Variants in EYS observed in about 807,000 individuals in gnomAD.
EYS encodes the protein protein eyes shut homolog.
EYS carries 250 observed loss-of-function variants against 282.1 expected under a neutral mutation model. That is an observed-to-expected ratio of 0.89 (90% confidence interval 0.80 to 0.98). The LOEUF is 0.98. EYS is among the 50% of genes least tolerant of loss of function. The pLI, the probability that EYS is intolerant of heterozygous loss-of-function variation, is 0.00. For missense variants in EYS, 4,016 were observed against 3,709.0 expected, an observed-to-expected ratio of 1.08 and a Z score of -2.15; for synonymous variants, 1,355 against 1,282.9, an observed-to-expected ratio of 1.06 and a Z score of -1.20.
chr6:65,579,154 G>A (rs1290916606), intron 2 of EYS, among the ~76,000 whole-genome samples: 1 of 152,012 alleles, frequency 6.6e-6, no homozygotes, highest in East Asian at 1.9e-4. Flanking sequence ...CTGTATACAT[G>A]TGTTTTTTTG....
intron 2 of EYS, among the ~76,000 whole-genome samples, chr6:65,575,889 G>T (rs573180678): frequency 1.3e-3 from 200 of 152,064 alleles, no homozygotes; most frequent in African/African-American, 4.6e-3. Context: ...ACACTATTTT[G>T]TGAGGAAAAA....
intron 12 of EYS, among the ~76,000 whole-genome samples, chr6:65,210,012 C>A (rs1022414878): frequency 6.6e-6 from 1 of 151,856 alleles, no homozygotes; most frequent in African/African-American, 2.4e-5. Flanking sequence ...ACATGTAGAG[C>A]ATTTTAACTT....
At chr6:64,054,874 TA>T (rs1770929939) in intron 33 of EYS, among the ~76,000 whole-genome samples, 2 of 152,302 alleles carry the variant, frequency 1.3e-5, no homozygotes, top group East Asian at 1.9e-4. Flanking sequence ...ATTACATAGC[TA>T]TTAATGGACA....
chr6:65,345,348 A>G (rs902911113), intron 9 of EYS, among the ~76,000 whole-genome samples: 3 of 151,828 alleles, frequency 2.0e-5, no homozygotes, highest in Non-Finnish European at 2.9e-5. Flanking sequence ...TACCTGTAAC[A>G]TTCTGAGAGT....
chr6:65,179,476 C>T (rs1202715890), intron 12 of EYS, among the ~76,000 whole-genome samples: 2 of 152,102 alleles, frequency 1.3e-5, no homozygotes, highest in South Asian at 2.1e-4. Context: ...TGGATAAATT[C>T]CTCGACACAT....
chr6:64,331,333 A>G (rs988154653), intron 29 of EYS, among the ~76,000 whole-genome samples: 3 of 152,222 alleles, frequency 2.0e-5, no homozygotes, highest in African/African-American at 7.2e-5. Context: ...AAGAAGTAGC[A>G]GTCATCTATT....
At chr6:64,476,241 A>C (rs1776263650) in intron 26 of EYS, among the ~76,000 whole-genome samples, 1 of 152,178 alleles carries the variant, frequency 6.6e-6, no homozygotes, top group Non-Finnish European at 1.5e-5. Context: ...CTTTACTTGT[A>C]GTTAACTATT....
intron 33 of EYS, among the ~76,000 whole-genome samples, chr6:64,015,665 G>C (rs1042634044): frequency 8.5e-5 from 13 of 152,182 alleles, no homozygotes; most frequent in African/African-American, 2.9e-4. Flanking sequence ...TGATGGTGAG[G>C]TGAAGGTGAA....
rs1562133742 is a variant in EYS, at chr6:64,686,779, A to ATGTGTG, written c.3444-60535_3444-60534insCACACA. On this transcript the variant is annotated intron_variant, in intron 22 of 42. Transcript: ENST00000503581. The stretch of plus-strand genomic sequence containing the variant: ...TATATATATGTGTGTATATATATAT[A>ATGTGTG]TATATATATGTGTGTATATATATAT... Among the ~76,000 whole-genome samples, 11 of 23,530 alleles carry ATGTGTG rather than the reference A, an allele frequency of 4.7e-4. 2 individuals are homozygous for ATGTGTG. The highest frequency in any genetic ancestry group is 7.1e-4 in the African/African-American group (7 of 9,914). 15.4% of individuals were successfully genotyped at this position (23,530 alleles called of 152,430 possible).
chr6:65,106,737 CCTT>C (rs1345154375), intron 12 of EYS, among the ~76,000 whole-genome samples: 1 of 151,822 alleles, frequency 6.6e-6, no homozygotes, highest in Non-Finnish European at 1.5e-5. Context: ...ATATCTTTCT[CCTT>C]CTATTTACTT....
chr6:64,799,913 CTG>C (rs1224730320), intron 22 of EYS, among the ~76,000 whole-genome samples: 1 of 150,574 alleles, frequency 6.6e-6, no homozygotes, highest in Admixed American at 6.6e-5. Context: ...CATTCTCTGA[CTG>C]TCTTTCTTTG....
At chr6:65,044,641 T>C (rs1773045085) in intron 13 of EYS, among the ~76,000 whole-genome samples, 1 of 151,846 alleles carries the variant, frequency 6.6e-6, no homozygotes, top group African/African-American at 2.4e-5. Flanking sequence ...AATGATGTTA[T>C]CACATCTGAA....
At chr6:65,509,955 C>T (rs2127286590) in intron 2 of EYS, among the ~76,000 whole-genome samples, 1 of 152,140 alleles carries the variant, frequency 6.6e-6, no homozygotes, top group East Asian at 1.9e-4. Context: ...ATCCTTGTTT[C>T]CTGGACCACA....
chr6:65,373,068 T>C (rs1765223742), intron 8 of EYS, among the ~76,000 whole-genome samples: 1 of 152,184 alleles, frequency 6.6e-6, no homozygotes, highest in South Asian at 2.1e-4. Flanking sequence ...TTATAGCTTA[T>C]TTAATACACA....
At chr6:64,400,624 A>G (rs183935741) in intron 28 of EYS, among the ~76,000 whole-genome samples, 74 of 152,202 alleles carry the variant, frequency 4.9e-4, no homozygotes, top group African/African-American at 1.6e-3. Context: ...CTGACTGAAC[A>G]TAGAAAAACA....
rs572981459 is a variant in EYS, at chr6:64,643,846, T to G, written c.3444-17601A>C. On this transcript the variant is annotated intron_variant, in intron 22 of 42. Coordinates refer to ENST00000503581, the MANE Select transcript of EYS (RefSeq NM_001142800.2). ...CCTTCCAGGATGATTGTGTGGCCTCTCCAGCCATGTGGAACTATAAGTCCA... is the reference window on the plus strand; with the variant it reads ...CCTTCCAGGATGATTGTGTGGCCTCGCCAGCCATGTGGAACTATAAGTCCA... Among the ~76,000 whole-genome samples, 8 of 152,316 alleles carry G rather than the reference T, an allele frequency of 5.3e-5. No individual in the cohort carries two copies. The East Asian group carries it at 1.5e-3, about 29-fold the overall frequency.
chr6:64,590,504 G>A lies in EYS; in HGVS notation c.5363C>T (p.Thr1788Ile). Residue 1788 changes from threonine to isoleucine, a missense_variant, in exon 26 of 43, where the codon ACC becomes ATC. By Grantham distance (89) the Thr-to-Ile change is moderately conservative. Coordinates refer to ENST00000503581, the MANE Select transcript of EYS (RefSeq NM_001142800.2). ...AACTGTATAAAATGCAACATTGGTG[G>A]TGACTTCTGAAAAATCAGGCACTGA... ...TGSVPDFSEVTTNVAFYTVSA... is the reference protein window; with the variant it reads ...TGSVPDFSEVITNVAFYTVSA... 2 of 1,551,430 alleles carry A rather than the reference G, an allele frequency of 1.3e-6. No homozygotes were observed. Among genetic ancestry groups the A allele is most frequent in the Non-Finnish European group, 1.7e-6 (2 of 1,146,814 alleles).
At chr6:65,301,405 G>A (rs575082713) in intron 11 of EYS, among the ~76,000 whole-genome samples, 11 of 152,334 alleles carry the variant, frequency 7.2e-5, no homozygotes, top group African/African-American at 2.6e-4. Flanking sequence ...CGCGCCCTGC[G>A]TCGTGCTGGC....
chr6:65,634,761 C>G (rs184170352), intron 2 of EYS, among the ~76,000 whole-genome samples: 95 of 152,252 alleles, frequency 6.2e-4, no homozygotes, highest in African/African-American at 2.0e-3. Flanking sequence ...AGTCGTAACC[C>G]CATCAAAATA....
Sources: allele counts gnomAD v4.1 joint callset (sites outside exome capture counted in the v4.1 genomes callset), GRCh38; gene constraint gnomAD v4.1.1; transcripts MANE v1.5; gene names NCBI Gene and HGNC (gene_info 2026-07-23, HGNC 2026-07-21).